Variants in NADK2 observed in about 807,000 individuals in gnomAD.
NADK2 encodes NAD kinase 2, mitochondrial.
NADK2 carries 35 observed loss-of-function variants against 62.1 expected under a neutral mutation model. That is an observed-to-expected ratio of 0.56 (90% CI 0.43 to 0.75). NADK2 has a LOEUF of 0.75. NADK2 is among the 30% of genes least tolerant of loss of function. NADK2 has a pLI of 0.00. For missense variants in NADK2, 439 were observed against 561.3 expected, an observed-to-expected ratio of 0.78 and a Z score of 2.20; for synonymous variants, 205 against 207.9, an observed-to-expected ratio of 0.99 and a Z score of 0.12.
Position 36,200,250 on chromosome 5 carries a change from A to T in NADK2, c.1043T>A (p.Leu348Ter), listed in dbSNP as rs1322129441. The change falls in exon 10 of 12, where the codon TTG (leucine) becomes TAG (stop). Residue 348 changes from leucine to a stop codon, truncating the protein, a stop_gained. Coordinates refer to ENST00000381937, the MANE Select transcript of NADK2 (RefSeq NM_001085411.3). LOFTEE classifies it high-confidence loss of function. ...AKRQGNLSLP[L>*]NRELVEKVTN... ...ACCTTTCTCTACCAATTCTCTGTTC[A>T]ATGGAAGACTCAAATTTCCTTGTCG... is the stretch of plus-strand genomic sequence containing the variant. 6.3e-7 allele frequency: 1 copy of T among 1,585,036 alleles called. No homozygotes were observed. The highest frequency in any genetic ancestry group is 8.6e-7 in the Non-Finnish European group (1 of 1,165,028).
At chr5:36,232,852 C>T (rs920029894) in intron 1 of NADK2, among the ~76,000 whole-genome samples, 1 of 152,156 alleles carries the variant, frequency 6.6e-6, no homozygotes, top group Admixed American at 6.5e-5. Flanking sequence ...TGTTAGTCCA[C>T]GTCTCTTGAT....
At chr5:36,206,410 G>T (rs1746638787) in intron 8 of NADK2, among the ~76,000 whole-genome samples, 1 of 151,412 alleles carries the variant, frequency 6.6e-6, no homozygotes, top group Non-Finnish European at 1.5e-5. Context: ...GTGCAGGCTT[G>T]GACCAAAGCA....
Position 36,195,272 on chromosome 5 carries a change from G to A in NADK2, c.1201C>T (p.Arg401Cys). ...ATACAGGCATCCCAACAACGAGAAC[G>A]AACACAAACCCTAGGCAGAAGGAAA... ...QRCFSSKVCVRSRCWDACMVV... is the reference protein window; with the variant it reads ...QRCFSSKVCVCSRCWDACMVV... The change falls in exon 12 of 12, where the codon CGT (arginine) becomes TGT (cysteine). Residue 401 changes from arginine (R) to cysteine (C), a missense_variant. Coordinates refer to ENST00000381937, the MANE Select transcript of NADK2 (RefSeq NM_001085411.3). The A allele has an allele frequency of 6.2e-7, 1 of 1,608,746 alleles. No individual in the cohort carries two copies. Among genetic ancestry groups the A allele is most frequent in the Non-Finnish European group, 8.5e-7 (1 of 1,177,888 alleles).
intron 11 of NADK2, among the ~76,000 whole-genome samples, chr5:36,196,271 T>C (rs934422510): frequency 9.8e-5 from 15 of 152,318 alleles, no homozygotes; most frequent in East Asian, 1.9e-4. Context: ...TTTAGGAATA[T>C]ATAGAAAGTT....
In NADK2 at chr5:36,201,077, A is replaced by G. The variant is rs1746427850; in HGVS notation, c.1012+29T>C. On this transcript the variant is annotated intron_variant, in intron 9 of 11. Transcript: ENST00000381937. ...ACTTGTCCCCTGCGGATAAGAGGGG[A>G]CTACTCCAATAGCTGTTTTGGTACT... 3 of 1,601,784 alleles carry G rather than the reference A, an allele frequency of 1.9e-6. No individual in the cohort carries two copies. The African/African-American group carries it at 4.0e-5, about 21-fold the overall frequency.
intron 4 of NADK2, among the ~76,000 whole-genome samples, chr5:36,220,758 A>T (rs1420745283): frequency 6.6e-6 from 1 of 152,256 alleles, no homozygotes; most frequent in African/African-American, 2.4e-5. Context: ...TTACAGTCAG[A>T]TATCAGCTAG....
Position 36,201,097 on chromosome 5 carries a change from G to GT in NADK2, c.1012+8_1012+9insA. 1 of 1,611,150 alleles carries GT rather than the reference G, an allele frequency of 6.2e-7. No homozygotes were observed. The highest frequency in any genetic ancestry group is 2.2e-5 in the East Asian group (1 of 44,842). On this transcript the variant is annotated intron_variant, in intron 9 of 11. Transcript: ENST00000381937. ...AGGGGACTACTCCAATAGCTGTTTT[G>GT]GTACTCACCAATATTTAAAACATCT...
chr5:36,218,099 G>C, intron 5 of NADK2: 1 of 422,242 alleles, frequency 2.4e-6, no homozygotes. Flanking sequence ...AACACCTAAT[G>C]TGCTTGTACA....
At chr5:36,210,168 T>C (rs1176187103) in intron 7 of NADK2, among the ~76,000 whole-genome samples, 2 of 152,090 alleles carry the variant, frequency 1.3e-5, no homozygotes, top group Non-Finnish European at 2.9e-5. Flanking sequence ...CAAATAAAAC[T>C]CATCTCTAAT....
chr5:36,195,547 C>G (rs1024567821), intron 11 of NADK2, among the ~76,000 whole-genome samples: 1 of 152,122 alleles, frequency 6.6e-6, no homozygotes, highest in Admixed American at 6.6e-5. Flanking sequence ...TGATTAAATG[C>G]TGAATTACTA....
intron 4 of NADK2, among the ~76,000 whole-genome samples, chr5:36,224,736 T>G (rs1372447457): frequency 2.0e-5 from 3 of 152,040 alleles, no homozygotes; most frequent in Non-Finnish European, 4.4e-5. Context: ...CAGAGTGGAA[T>G]TAATTAGGAT....
intron 10 of NADK2, 101 bp downstream of exon 10, chr5:36,200,126 G>A: frequency 1.4e-6 from 1 of 705,890 alleles, no homozygotes; most frequent in Non-Finnish European, 2.2e-6. Flanking sequence ...GCATGTTTGA[G>A]TAAAAAAAAG....
intron 8 of NADK2, among the ~76,000 whole-genome samples, chr5:36,203,253 T>A (rs988517326): frequency 6.6e-6 from 1 of 152,134 alleles, no homozygotes; most frequent in East Asian, 1.9e-4. Flanking sequence ...ATCATCTAAT[T>A]AGCTTGGAAC....
intron 1 of NADK2, among the ~76,000 whole-genome samples, chr5:36,228,980 A>G (rs1414893962): frequency 6.6e-6 from 1 of 152,188 alleles, no homozygotes; most frequent in Non-Finnish European, 1.5e-5. Flanking sequence ...ACTATAAAGT[A>G]AAACTAATTT....
At position 36,194,982 on chromosome 5, in the gene NADK2, T is replaced by G; in HGVS notation, c.*162A>C. 1.5e-6 allele frequency: 1 copy of G among 683,046 alleles called. No homozygotes were observed. The highest frequency in any genetic ancestry group is 2.3e-6 in the Non-Finnish European group (1 of 435,846). The allele number at this position is 683,046 out of a possible 1,614,324, so 42.3% of individuals were successfully genotyped here. ...ATTTTCTTATACAGTGAATGTCTTT[T>G]TTTCTATCAGAATCCAACAGAAGAA... On this transcript the variant is annotated 3_prime_UTR_variant, in exon 12 of 12. Coordinates refer to ENST00000381937, the MANE Select transcript of NADK2 (RefSeq NM_001085411.3).
At position 36,225,629 on chromosome 5, in the gene NADK2, G is replaced by A. The variant is rs757799486; in HGVS notation, c.479-6C>T. The A allele has an allele frequency of 6.2e-7, 1 of 1,610,238 alleles. No individual in the cohort carries two copies. Among genetic ancestry groups the A allele is most frequent in the South Asian group, 1.1e-5 (1 of 90,132 alleles). ...CAGCAGCATTGTGCCATCACCTAAG[G>A]AACATAAGACAAAATACAAGACATA... On this transcript the variant is annotated splice_region_variant and splice_polypyrimidine_tract_variant and intron_variant, in intron 3 of 11. Coordinates refer to ENST00000381937, the MANE Select transcript of NADK2 (RefSeq NM_001085411.3).
rs1370419695 is a variant in NADK2, at chr5:36,225,566, A to G, written c.536T>C (p.Ile179Thr). Residue 179 changes from isoleucine to threonine, a missense_variant, in exon 4 of 12, where the codon ATA becomes ACA. Coordinates refer to ENST00000381937, the MANE Select transcript of NADK2 (RefSeq NM_001085411.3). ...CCGTTCTGGATCAGTGTTTACCCCTATAACTGGTTTAAGTCTGTCCAAGAC... is the reference window on the plus strand; with the variant it reads ...CCGTTCTGGATCAGTGTTTACCCCTGTAACTGGTTTAAGTCTGTCCAAGAC... ...SKVLDRLKPVIGVNTDPERSE... is the reference protein window; with the variant it reads ...SKVLDRLKPVTGVNTDPERSE... The G allele has an allele frequency of 1.2e-6, 2 of 1,613,858 alleles. No homozygotes were observed. Among genetic ancestry groups the G allele is most frequent in the East Asian group, 2.2e-5 (1 of 44,868 alleles).
Position 36,205,051 on chromosome 5 carries a change from G to A in NADK2, c.956+2119C>T, listed in dbSNP as rs1428462015. Reference sequence around the variant, plus strand: ...CATTGTTTTAGCTATATACAATTGTGAGCATATAGTCATTTACTCAAAAAA... The same window carrying A: ...CATTGTTTTAGCTATATACAATTGTAAGCATATAGTCATTTACTCAAAAAA... On this transcript the variant is annotated intron_variant, in intron 8 of 11. Coordinates refer to ENST00000381937, the MANE Select transcript of NADK2 (RefSeq NM_001085411.3). This position sits in a 1 kb window ranked among gnomAD's most constrained non-coding sequence, Gnocchi z 4.1. 1.3e-5 allele frequency among the ~76,000 whole-genome samples: 2 copies of A among 151,856 alleles called. No homozygotes were observed. Among genetic ancestry groups the A allele is most frequent in the African/African-American group, 4.8e-5 (2 of 41,350 alleles).
intron 8 of NADK2, among the ~76,000 whole-genome samples, chr5:36,206,764 G>A (rs1746656494): frequency 6.6e-6 from 1 of 152,082 alleles, no homozygotes; most frequent in African/African-American, 2.4e-5. Flanking sequence ...ATTACCCAGA[G>A]GGAGATTATA....
Sources: gnomAD v4.1 joint callset for allele counts (sites outside exome capture counted in the v4.1 genomes callset) on GRCh38, gnomAD v4.1.1 for gene constraint, Gnocchi (gnomAD v3.1) non-coding constraint, MANE v1.5 for transcripts, NCBI Gene and HGNC (gene_info 2026-07-23, HGNC 2026-07-21) for gene names.